Variants in CSMD2 observed in about 807,000 individuals in gnomAD.
CSMD2 encodes CUB and sushi domain-containing protein 2.
In CSMD2, 130 loss-of-function variants were observed where a neutral mutation model predicts 398.5. That is an observed-to-expected ratio of 0.33 (90% CI 0.28 to 0.38). CSMD2 has a LOEUF of 0.38. Among genes scored for constraint, CSMD2 ranks in the 10% least tolerant of loss-of-function variants. The probability of loss-of-function intolerance (pLI) is 1.00; values close to 1 mark genes in which losing one functional copy is unlikely to be tolerated. For missense variants in CSMD2, 3,829 were observed against 4,764.9 expected (o/e 0.80, Z 5.78); for synonymous variants, 1,828 against 1,908.5 (o/e 0.96, Z 1.10).
chr1:33,726,738 C>T (rs763406579), intron 15 of CSMD2, 53 bp from the exon 16 acceptor site: 21 of 1,545,250 alleles, frequency 1.4e-5, no homozygotes, highest in Non-Finnish European at 1.8e-5. Context: ...AATGAGTAAA[C>T]AAACAGAAAA....
chr1:33,729,599 T>G (rs1298318282), intron 15 of CSMD2, among the ~76,000 whole-genome samples: 1 of 151,626 alleles, frequency 6.6e-6, no homozygotes, highest in East Asian at 1.9e-4. Flanking sequence ...CATTTAGCAT[T>G]AGGTATATCT....
chr1:33,577,146 A>T (rs1638319756), intron 49 of CSMD2, 150 bp downstream of exon 49: 1 of 700,270 alleles, frequency 1.4e-6, no homozygotes, highest in Non-Finnish European at 2.3e-6. Context: ...TGAGATTGCT[A>T]CGCACTACAG....
chr1:33,959,558 T>C (rs559571052), intron 3 of CSMD2, among the ~76,000 whole-genome samples: 167 of 152,250 alleles, frequency 1.1e-3, no homozygotes, highest in Middle Eastern at 0.01. Flanking sequence ...AAGTCCCGTG[T>C]CCCGGAAAAT....
chr1:33,892,067 T>TAAA (rs902216117), intron 5 of CSMD2, among the ~76,000 whole-genome samples: 4 of 140,574 alleles, frequency 2.8e-5, no homozygotes, highest in African/African-American at 1.0e-4. Flanking sequence ...ATAATAATAA[T>TAAA]AAAAAGAAAA....
At chr1:33,627,642 G>A (rs911138539) in intron 32 of CSMD2, among the ~76,000 whole-genome samples, 1 of 152,240 alleles carries the variant, frequency 6.6e-6, no homozygotes, top group African/African-American at 2.4e-5. Context: ...GAGAGCTTTT[G>A]CAAGGCAGGC....
At chr1:33,795,140 G>A (rs1227069609) in intron 10 of CSMD2, among the ~76,000 whole-genome samples, 1 of 152,066 alleles carries the variant, frequency 6.6e-6, no homozygotes, top group Non-Finnish European at 1.5e-5. Context: ...GAGGTGGGAT[G>A]TGGACCTGTA....
intron 2 of CSMD2, among the ~76,000 whole-genome samples, chr1:34,060,282 C>A (rs916513878): frequency 6.6e-6 from 1 of 152,190 alleles, no homozygotes; most frequent in African/African-American, 2.4e-5. Context: ...TGGGTAAAAT[C>A]AATGCATAAG....
At chr1:34,022,128 TG>T (rs1648972561) in intron 3 of CSMD2, among the ~76,000 whole-genome samples, 1 of 152,180 alleles carries the variant, frequency 6.6e-6, no homozygotes, top group Non-Finnish European at 1.5e-5. Flanking sequence ...TCCATTCACT[TG>T]TTTAATCGGT....
intron 1 of CSMD2, among the ~76,000 whole-genome samples, chr1:34,126,640 C>T (rs547774901): frequency 1.1e-4 from 16 of 152,160 alleles, no homozygotes; most frequent in South Asian, 4.2e-4. Flanking sequence ...GACACCCAGA[C>T]GAGGGAGATG....
chr1:33,604,528 T>G (rs1231520576), intron 42 of CSMD2, among the ~76,000 whole-genome samples: 1 of 152,074 alleles, frequency 6.6e-6, no homozygotes, highest in Non-Finnish European at 1.5e-5. Flanking sequence ...GGGGTTTGAG[T>G]TGGAGCCTGG....
intron 2 of CSMD2, among the ~76,000 whole-genome samples, chr1:34,034,957 T>C (rs1213565390): frequency 1.3e-5 from 2 of 152,262 alleles, no homozygotes; most frequent in Non-Finnish European, 2.9e-5. Context: ...TACAAATTAA[T>C]GATCCACCTA....
chr1:33,771,054 T>G (rs1427550323), intron 13 of CSMD2, among the ~76,000 whole-genome samples: 1 of 152,226 alleles, frequency 6.6e-6, no homozygotes, highest in Non-Finnish European at 1.5e-5. Context: ...ATCCTGGTCC[T>G]AAGAGGCTGG....
At chr1:33,972,832 A>C (rs1211187254) in intron 3 of CSMD2, among the ~76,000 whole-genome samples, 1 of 152,206 alleles carries the variant, frequency 6.6e-6, no homozygotes, top group Non-Finnish European at 1.5e-5. Flanking sequence ...ATAGGAAACC[A>C]ACACACAGAC....
At chr1:33,939,874 G>C (rs540549293) in intron 3 of CSMD2, among the ~76,000 whole-genome samples, 108 of 152,270 alleles carry the variant, frequency 7.1e-4, no homozygotes, top group Admixed American at 3.4e-3. Flanking sequence ...ATCTGGCTGC[G>C]CAATCTTGAG....
chr1:33,914,594 T>C (rs1250023292), intron 5 of CSMD2, among the ~76,000 whole-genome samples: 1 of 152,192 alleles, frequency 6.6e-6, no homozygotes, highest in Non-Finnish European at 1.5e-5. Context: ...TAGCTCAACA[T>C]GTCAGAGCTA....
chr1:33,794,343 G>A (rs949185396), intron 10 of CSMD2, among the ~76,000 whole-genome samples: 2 of 152,246 alleles, frequency 1.3e-5, no homozygotes, highest in African/African-American at 2.4e-5. Flanking sequence ...GAAGAGGAAG[G>A]AAGTGATTGC....
intron 31 of CSMD2, among the ~76,000 whole-genome samples, chr1:33,634,510 C>G (rs1642677219): frequency 6.6e-6 from 1 of 152,148 alleles, no homozygotes; most frequent in Non-Finnish European, 1.5e-5. Context: ...GTTGTTAGTC[C>G]TCCTACAAAG....
At chr1:33,577,256 TC>T (rs781399706) in intron 49 of CSMD2, 39 bp downstream of exon 49, 3 of 1,546,762 alleles carry the variant, frequency 1.9e-6, no homozygotes, top group Non-Finnish European at 2.6e-6. Flanking sequence ...ATGAGTTGGA[TC>T]CGAGCTACCT....
rs1641949860 is a variant in CSMD2 at position 33,624,221 on chromosome 1, C to G, written c.5625+298G>C. 6.6e-6 allele frequency among the ~76,000 whole-genome samples: 1 copy of G among 152,210 alleles called. No individual in the cohort carries two copies. Among genetic ancestry groups the G allele is most frequent in the Non-Finnish European group, 1.5e-5 (1 of 68,032 alleles). Reference sequence around the variant, plus strand: ...GGCCCATTTCTTCTTTTAGCCTCCCCTCCTGGCCATGGCCAATCAATGCCC... The same window carrying G: ...GGCCCATTTCTTCTTTTAGCCTCCCGTCCTGGCCATGGCCAATCAATGCCC... On this transcript the variant is annotated intron_variant, in intron 35 of 70. Transcript: ENST00000373381. The surrounding 1 kb of genome is among the most constrained non-coding windows in gnomAD (Gnocchi z 4.7).
Sources: allele counts gnomAD v4.1 joint callset (sites outside exome capture counted in the v4.1 genomes callset), GRCh38; gene constraint gnomAD v4.1.1; non-coding constraint Gnocchi (gnomAD v3.1); transcripts MANE v1.5; gene names NCBI Gene and HGNC (gene_info 2026-07-23, HGNC 2026-07-21).